Variants in ARHGAP24 observed in about 807,000 individuals in gnomAD.
ARHGAP24 encodes rho GTPase-activating protein 24.
Under a neutral mutation model 76.4 loss-of-function variants are expected in ARHGAP24, and 50 were observed. That is an observed-to-expected ratio of 0.65 (90% CI 0.52 to 0.83). The LOEUF (loss-of-function observed/expected upper bound fraction) is 0.83, where lower values mean the gene tolerates loss of function less well. ARHGAP24 is among the 40% of genes least tolerant of loss of function. The probability of loss-of-function intolerance (pLI) is 0.00; values close to 1 mark genes in which losing one functional copy is unlikely to be tolerated. For synonymous variants in ARHGAP24, 345 were observed against 323.3 expected, an observed-to-expected ratio of 1.07 and a Z score of -0.72; for missense variants, 930 against 914.2, an observed-to-expected ratio of 1.02 and a Z score of -0.22.
chr4:85,721,516 G>A (rs931588357), intron 2 of ARHGAP24, among the ~76,000 whole-genome samples: 1 of 152,086 alleles, frequency 6.6e-6, no homozygotes, highest in Non-Finnish European at 1.5e-5. Flanking sequence ...TGTTTTCACA[G>A]CTATAAAATG....
chr4:85,795,533 C>T (rs1359028841), intron 3 of ARHGAP24, among the ~76,000 whole-genome samples: 1 of 152,072 alleles, frequency 6.6e-6, no homozygotes, highest in African/African-American at 2.4e-5. Context: ...TTATTAAATA[C>T]TCATATCCAA....
chr4:85,754,581 A>G (rs763977423), intron 3 of ARHGAP24, among the ~76,000 whole-genome samples: 1 of 152,228 alleles, frequency 6.6e-6, no homozygotes, highest in Non-Finnish European at 1.5e-5. Flanking sequence ...ACGACAGACA[A>G]CACAATTTTA....
At chr4:85,887,343 T>G (rs991684262) in intron 3 of ARHGAP24, among the ~76,000 whole-genome samples, 1 of 152,138 alleles carries the variant, frequency 6.6e-6, no homozygotes, top group African/African-American at 2.4e-5. Flanking sequence ...CAAGGTTAAT[T>G]AATTATATTT....
chr4:85,859,109 G>C (rs1451989676), intron 3 of ARHGAP24, among the ~76,000 whole-genome samples: 1 of 151,762 alleles, frequency 6.6e-6, no homozygotes, highest in African/African-American at 2.4e-5. Context: ...GTTTGACCTG[G>C]GAAAAGGCCA....
chr4:85,582,930 C>T (rs1023329118), intron 2 of ARHGAP24, among the ~76,000 whole-genome samples: 3 of 152,074 alleles, frequency 2.0e-5, no homozygotes, highest in South Asian at 2.1e-4. Flanking sequence ...TCGGAAACTG[C>T]ACTTTTGTTT....
intron 8 of ARHGAP24, among the ~76,000 whole-genome samples, chr4:85,981,118 A>G (rs150969511): frequency 6.6e-6 from 1 of 152,310 alleles, no homozygotes; most frequent in Non-Finnish European, 1.5e-5. Context: ...AAGTAACACA[A>G]TGATTGGCTC....
chr4:85,941,550 G>A (rs1242035085), intron 4 of ARHGAP24, among the ~76,000 whole-genome samples: 4 of 151,994 alleles, frequency 2.6e-5, no homozygotes, highest in African/African-American at 9.7e-5. Flanking sequence ...AAAATTCAGC[G>A]TTTCTTTTCC....
At chr4:85,930,729 AG>A in intron 4 of ARHGAP24, 1 of 1,285,920 alleles carries the variant, frequency 7.8e-7, no homozygotes, top group African/African-American at 1.5e-5. Context: ...GAGAAAAGGA[AG>A]TTTTTTTTTG....
intron 2 of ARHGAP24, among the ~76,000 whole-genome samples, chr4:85,605,319 A>G (rs1720157846): frequency 6.6e-6 from 1 of 152,166 alleles, no homozygotes; most frequent in Admixed American, 6.6e-5. Context: ...AGTTTAATCT[A>G]ATATACTCTT....
At chr4:85,856,318 A>G (rs1731559766) in intron 3 of ARHGAP24, among the ~76,000 whole-genome samples, 1 of 152,156 alleles carries the variant, frequency 6.6e-6, no homozygotes. Flanking sequence ...AAAATTATGT[A>G]TAAAAACATA....
intron 3 of ARHGAP24, among the ~76,000 whole-genome samples, chr4:85,788,170 A>G (rs1479646477): frequency 6.6e-6 from 1 of 152,102 alleles, no homozygotes; most frequent in Non-Finnish European, 1.5e-5. Context: ...GATGATGACC[A>G]CAGACCAGAT....
chr4:85,811,027 T>C (rs1366781008), intron 3 of ARHGAP24, among the ~76,000 whole-genome samples: 1 of 152,172 alleles, frequency 6.6e-6, no homozygotes, highest in African/African-American at 2.4e-5. Flanking sequence ...AGAGCTCTCT[T>C]TCAATGTTAA....
chr4:85,802,364 C>T (rs540828719), intron 3 of ARHGAP24, among the ~76,000 whole-genome samples: 1 of 152,302 alleles, frequency 6.6e-6, no homozygotes, highest in African/African-American at 2.4e-5. Flanking sequence ...GAGTTTTGAG[C>T]TATGAAATAA....
chr4:85,712,702 C>T (rs887206800), intron 2 of ARHGAP24, among the ~76,000 whole-genome samples: 1 of 152,038 alleles, frequency 6.6e-6, no homozygotes, highest in African/African-American at 2.4e-5. Flanking sequence ...TCTCCCTGTC[C>T]CTCTTATAAG....
At chr4:85,641,377 G>A (rs933021919) in intron 2 of ARHGAP24, among the ~76,000 whole-genome samples, 4 of 152,176 alleles carry the variant, frequency 2.6e-5, no homozygotes. Flanking sequence ...ACCACAGACA[G>A]GGTAGTTTAA....
intron 3 of ARHGAP24, among the ~76,000 whole-genome samples, chr4:85,886,654 T>G (rs569393599): frequency 2.6e-5 from 4 of 152,270 alleles, no homozygotes; most frequent in African/African-American, 9.6e-5. Context: ...ATTAACTGAA[T>G]AGCTTTTTTG....
At chr4:85,655,586 A>G (rs1722109599) in intron 2 of ARHGAP24, among the ~76,000 whole-genome samples, 1 of 151,778 alleles carries the variant, frequency 6.6e-6, no homozygotes, top group Admixed American at 6.6e-5. Flanking sequence ...GTTCGAGACC[A>G]GACTGGCCAA....
chr4:85,631,775 T>G (rs1232868369), intron 2 of ARHGAP24, among the ~76,000 whole-genome samples: 1 of 152,076 alleles, frequency 6.6e-6, no homozygotes, highest in Non-Finnish European at 1.5e-5. Context: ...GAAAAAAAAT[T>G]GTGTCATATT....
At chr4:85,714,131 G>T (rs1724639422) in intron 2 of ARHGAP24, among the ~76,000 whole-genome samples, 1 of 152,108 alleles carries the variant, frequency 6.6e-6, no homozygotes, top group African/African-American at 2.4e-5. Context: ...CTAGATTGGT[G>T]ATGGCTATGC....
Sources: gnomAD v4.1 joint callset for allele counts (sites outside exome capture counted in the v4.1 genomes callset) on GRCh38, gnomAD v4.1.1 for gene constraint, MANE v1.5 for transcripts, NCBI Gene and HGNC (gene_info 2026-07-23, HGNC 2026-07-21) for gene names.